FARP1: variants seen among roughly 807,000 people sequenced by gnomAD.
FARP1 encodes FERM, ARH/RhoGEF and pleckstrin domain protein 1, also known as FERM, ARHGEF and pleckstrin domain-containing protein 1.
In FARP1, 52 loss-of-function variants were observed where a neutral mutation model predicts 128.8. The ratio of observed to expected loss-of-function variants is 0.40; its 90% CI spans 0.32 to 0.51. FARP1 has a LOEUF of 0.51. Ranked by LOEUF, FARP1 falls within the 20% of genes least tolerant of loss-of-function variation. The pLI, the probability that FARP1 is intolerant of heterozygous loss-of-function variation, is 0.45. For missense variants in FARP1, 1,333 were observed against 1,367.9 expected, an observed-to-expected ratio of 0.97 and a Z score of 0.40; for synonymous variants, 580 against 551.8, an observed-to-expected ratio of 1.05 and a Z score of -0.72.
At chr13:98,244,469 A>G (rs1314194257) in intron 2 of FARP1, 11 of 1,608,394 alleles carry the variant, frequency 6.8e-6, no homozygotes, top group Non-Finnish European at 8.5e-6. Context: ...AGGGAGTAGC[A>G]TTTGCTCTCC....
chr13:98,276,651 C>A (rs1264466357), intron 2 of FARP1, among the ~76,000 whole-genome samples: 1 of 152,172 alleles, frequency 6.6e-6, no homozygotes, highest in Non-Finnish European at 1.5e-5. Flanking sequence ...AAGTCATCTT[C>A]TTGGTATTCA....
intron 1 of FARP1, among the ~76,000 whole-genome samples, chr13:98,153,299 T>TATATATTTATATATAAAATATATAAATAA (rs1876162354): frequency 1.8e-5 from 1 of 56,152 alleles, no homozygotes; most frequent in South Asian, 6.0e-4. Context: ...TATATATAAA[T>TATATATTTATATATAAAATATATAAATAA]ATATTTATAT....
chr13:98,393,874 T>C (rs561940081), intron 12 of FARP1, among the ~76,000 whole-genome samples, 156 bp downstream of exon 12: 15 of 152,368 alleles, frequency 9.8e-5, no homozygotes, highest in Admixed American at 1.3e-4. Flanking sequence ...TGACCAGATA[T>C]AGGCTTTGTG....
At chr13:98,414,608 CAG>C (rs1190894082) in intron 16 of FARP1, among the ~76,000 whole-genome samples, 1 of 152,154 alleles carries the variant, frequency 6.6e-6, no homozygotes, top group African/African-American at 2.4e-5. Context: ...CCTGTTATAT[CAG>C]AGTCTCTGAG....
intron 4 of FARP1, among the ~76,000 whole-genome samples, chr13:98,365,800 T>C (rs1889056019): frequency 6.6e-6 from 1 of 152,144 alleles, no homozygotes; most frequent in South Asian, 2.1e-4. Flanking sequence ...TGTTTTTAGG[T>C]TTTTGGTCCT....
At chr13:98,384,929 C>T (rs1333641266) in intron 7 of FARP1, 85 bp downstream of exon 7, 2 of 786,698 alleles carry the variant, frequency 2.5e-6, no homozygotes, top group Non-Finnish European at 4.5e-6. Context: ...CTCCACCCCC[C>T]ACACAAACTA....
intron 1 of FARP1, among the ~76,000 whole-genome samples, chr13:98,209,909 G>A (rs533053656): frequency 3.3e-5 from 5 of 151,176 alleles, no homozygotes; most frequent in African/African-American, 1.2e-4. Context: ...TTGAACCTGG[G>A]AGGTGGAGGT....
intron 3 of FARP1, 33 bp downstream of exon 3, chr13:98,343,899 C>T: frequency 7.1e-7 from 1 of 1,400,240 alleles, no homozygotes; most frequent in South Asian, 1.2e-5. Flanking sequence ...TACTATTTTA[C>T]TGTCTGTTCA....
rs1886010259 is a variant in FARP1, at chr13:98,303,607, AT to A, written c.172-40154del. 5.9e-5 allele frequency among the ~76,000 whole-genome samples: 9 copies of A among 152,320 alleles called. 1 individual carries two copies. In the South Asian group the frequency reaches 1.9e-3, roughly 32 times the overall value. ...CTACGCCCTTAGCTTTAGTAAGCAG[AT>A]GTTCCAGAGTCCCCGTTGTCGTCTT... On this transcript the variant is annotated intron_variant, in intron 2 of 26. Transcript: ENST00000319562.
At chr13:98,146,550 G>A (rs1480126151) in intron 1 of FARP1, among the ~76,000 whole-genome samples, 3 of 152,172 alleles carry the variant, frequency 2.0e-5, no homozygotes, top group African/African-American at 7.2e-5. Context: ...TTGATAGCAT[G>A]GTGGACTGGA....
intron 1 of FARP1, among the ~76,000 whole-genome samples, chr13:98,157,550 T>C (rs1876578972): frequency 6.6e-6 from 1 of 152,216 alleles, no homozygotes; most frequent in South Asian, 2.1e-4. Flanking sequence ...TACTCTCCTC[T>C]CCACTCATTT....
At chr13:98,400,687 A>G (rs1239534337) in intron 13 of FARP1, 1 of 152,224 alleles carries the variant, frequency 6.6e-6, no homozygotes, top group Non-Finnish European at 1.5e-5. Context: ...TTTTAAAGTT[A>G]CATTCCCCAG....
chr13:98,440,203 CT>C lies in FARP1; in HGVS notation c.2598del (p.Glu867SerfsTer27), dbSNP rs1409016380. 1 of 1,613,972 alleles carries C rather than the reference CT, an allele frequency of 6.2e-7. No homozygotes were observed. Among genetic ancestry groups the C allele is most frequent in the Admixed American group, 1.7e-5 (1 of 60,028 alleles). On this transcript the variant is annotated frameshift_variant, in exon 23 of 27. Coordinates refer to ENST00000319562, the MANE Select transcript of FARP1 (RefSeq NM_005766.4). LOFTEE classifies it high-confidence loss of function. ...DLAEKSSSPA[P>X]EFLASSPPDN... ...GCGGAGAAGAGCAGCAGCCCCGCCC[CT>C]GAGTTCCTGGCCAGCAGCCCCCCTG...
intron 19 of FARP1, chr13:98,437,721 A>T (rs930389409): frequency 1.1e-6 from 1 of 942,904 alleles, no homozygotes. Context: ...GCAGACCTGT[A>T]TAGCTTCTCC....
Position 98,176,732 on chromosome 13 carries a change from A to T in FARP1, c.-24+33240A>T. 6.2e-7 allele frequency: 1 copy of T among 1,613,898 alleles called. No homozygotes were observed. The highest frequency in any genetic ancestry group is 1.6e-4 in the Middle Eastern group (1 of 6,062). ...ATGGGGCCCTTCCTCGCCATCCCCG[A>T]GGAGGAGTTGCCCATGGACGTGTCC... On this transcript the variant is annotated intron_variant, in intron 1 of 26. Coordinates refer to ENST00000319562, the MANE Select transcript of FARP1 (RefSeq NM_005766.4). This position sits in a 1 kb window ranked among gnomAD's most constrained non-coding sequence, Gnocchi z 6.2.
intron 17 of FARP1, among the ~76,000 whole-genome samples, chr13:98,426,184 T>C (rs9582230): frequency 0.3 from 45,285 of 152,092 alleles, 6,948 homozygotes; most frequent in Middle Eastern, 0.4. Flanking sequence ...TTTAGTTTTT[T>C]CCCATTAAAA....
At chr13:98,195,548 C>A (rs116404581) in intron 1 of FARP1, among the ~76,000 whole-genome samples, 8 of 152,078 alleles carry the variant, frequency 5.3e-5, no homozygotes, top group African/African-American at 1.9e-4. Context: ...GCATCCAGAG[C>A]GTTGTTGGAG....
intron 2 of FARP1, among the ~76,000 whole-genome samples, chr13:98,276,553 G>A (rs1321484657): frequency 6.9e-6 from 1 of 145,380 alleles, no homozygotes; most frequent in Non-Finnish European, 1.5e-5. Context: ...GGGTAGAGGG[G>A]ATGTGGATAA....
rs187088744 is a variant in FARP1, at chr13:98,419,240, G to A, written c.1827-5332G>A. 2.6e-3 allele frequency among the ~76,000 whole-genome samples: 402 copies of A among 152,202 alleles called. 4 individuals are homozygous for A. The highest frequency in any genetic ancestry group is 9.0e-3 in the African/African-American group (373 of 41,524). On this transcript the variant is annotated intron_variant, in intron 16 of 26. Transcript: ENST00000319562. ...TATAATCCCAGCACTTTGGGAGGCC[G>A]AGGTGGGTGGATCACCTGAGGTCAG...
Sources: gnomAD v4.1 joint callset for allele counts (sites outside exome capture counted in the v4.1 genomes callset) on GRCh38, gnomAD v4.1.1 for gene constraint, Gnocchi (gnomAD v3.1) non-coding constraint, MANE v1.5 for transcripts, NCBI Gene and HGNC (gene_info 2026-07-23, HGNC 2026-07-21) for gene names.